The following THRAP3 variants were observed in gnomAD, a reference collection of about 807,000 sequenced individuals.
The protein encoded by THRAP3 is thyroid hormone receptor-associated protein 3.
A neutral mutation model predicts 101.0 loss-of-function variants in THRAP3; 16 were observed. The ratio of observed to expected loss-of-function variants is 0.16; its 90% CI spans 0.11 to 0.24. The LOEUF (loss-of-function observed/expected upper bound fraction) is 0.24. Ranked by LOEUF, THRAP3 falls within the 10% of genes least tolerant of loss-of-function variation. The pLI, the probability that THRAP3 is intolerant of heterozygous loss-of-function variation, is 1.00. For missense variants in THRAP3, 989 were observed against 1,202.7 expected (o/e 0.82, Z 2.63); for synonymous variants, 407 against 422.6 (o/e 0.96, Z 0.45).
intron 2 of THRAP3, among the ~76,000 whole-genome samples, chr1:36,277,768 T>G (rs1314568707): frequency 6.6e-6 from 1 of 152,022 alleles, no homozygotes; most frequent in Admixed American, 6.6e-5. Flanking sequence ...TTATTATGAT[T>G]ATTATTTTGA....
rs561633100 is a variant in THRAP3, at chr1:36,224,458, T to C, written c.-182T>C. On this transcript the variant is annotated 5_prime_UTR_variant, in exon 1 of 12. Coordinates refer to ENST00000354618, the MANE Select transcript of THRAP3 (RefSeq NM_005119.4). ...TGTGGGGCGGGGGCGAGGTTCGGGC[T>C]GGTTGTTCCGTTGCGAGCTGCAGCT... 2 of 153,182 alleles carry C rather than the reference T, an allele frequency of 1.3e-5. No homozygotes were observed. The highest frequency in any genetic ancestry group is 6.5e-5 in the Admixed American group (1 of 15,298). The allele number at this position is 153,182 out of a possible 1,614,324, so 9.5% of individuals were successfully genotyped here.
At chr1:36,229,414 TTTTTTTTTG>T (rs1216018014) in intron 1 of THRAP3, among the ~76,000 whole-genome samples, 19,397 of 75,718 alleles carry the variant, frequency 0.26, 1,658 homozygotes, top group East Asian at 0.44. Context: ...TTTTTTTTGT[TTTTTTTTTG>T]TTTTTTTTTT....
intron 1 of THRAP3, among the ~76,000 whole-genome samples, chr1:36,230,428 T>G (rs933379004): frequency 2.0e-5 from 3 of 150,056 alleles, no homozygotes; most frequent in Admixed American, 6.6e-5. Flanking sequence ...CTGGCTAATT[T>G]TTTTTGTATT....
At chr1:36,273,765 G>A (rs1357984564) in intron 2 of THRAP3, among the ~76,000 whole-genome samples, 1 of 152,176 alleles carries the variant, frequency 6.6e-6, no homozygotes, top group African/African-American at 2.4e-5. Flanking sequence ...AATGAGGCCA[G>A]GCATGGTGGC....
chr1:36,263,643 T>C (rs1375309835), intron 2 of THRAP3, among the ~76,000 whole-genome samples: 3 of 152,192 alleles, frequency 2.0e-5, no homozygotes, highest in Non-Finnish European at 2.9e-5. Flanking sequence ...CTGAGAGACA[T>C]AGGAGAGGAG....
chr1:36,214,006 GAAAGAAAGAAAGAAAGAAAGAAAGAAA>G, the THRAP3 span, among the ~76,000 whole-genome samples: 7 of 35,220 alleles, frequency 2.0e-4, no homozygotes, highest in African/African-American at 8.0e-4. Context: ...AGGAAAGAAA[GAAAGAAAGAAAGAAAGAAAGAAAGAAA>G]GAAAGAAAGA....
intron 1 of THRAP3, among the ~76,000 whole-genome samples, chr1:36,237,305 G>A (rs1645101912): frequency 1.3e-5 from 2 of 150,738 alleles, no homozygotes; most frequent in South Asian, 2.1e-4. Flanking sequence ...CTGTCTCTAC[G>A]TAAAATACAA....
At chr1:36,268,882 C>T (rs911750500) in intron 2 of THRAP3, among the ~76,000 whole-genome samples, 37 of 152,128 alleles carry the variant, frequency 2.4e-4, no homozygotes, top group Non-Finnish European at 3.5e-4. Flanking sequence ...CCCGCCACCA[C>T]GCCCAGCTAA....
chr1:36,289,332 C>G lies in THRAP3; in HGVS notation c.1313C>G (p.Ala438Gly). ...ATGGATGATCAAGATAAGGACAAAGCTAAGGGAAGAAAGGAATCTGAGTTT... is the reference window on the plus strand; with the variant it reads ...ATGGATGATCAAGATAAGGACAAAGGTAAGGGAAGAAAGGAATCTGAGTTT... The part of the protein sequence containing the change: ...EEMDDQDKDK[A>G]KGRKESEFDD... Residue 438 changes from alanine (A) to glycine (G), a missense_variant, in exon 5 of 12, where the codon GCT (alanine) becomes GGT (glycine). By Grantham distance (60) the Ala-to-Gly change is moderately conservative. Coordinates refer to ENST00000354618, the MANE Select transcript of THRAP3 (RefSeq NM_005119.4). 6.2e-7 allele frequency: 1 copy of G among 1,613,946 alleles called. No homozygotes were observed. The highest frequency in any genetic ancestry group is 8.5e-7 in the Non-Finnish European group (1 of 1,180,006).
intron 1 of THRAP3, among the ~76,000 whole-genome samples, chr1:36,247,996 C>T (rs1229943070): frequency 6.6e-6 from 1 of 151,572 alleles, no homozygotes; most frequent in Non-Finnish European, 1.5e-5. Flanking sequence ...TTTCCTGCCT[C>T]AGCCCCCCGA....
intron 3 of THRAP3, among the ~76,000 whole-genome samples, chr1:36,283,644 ATCCTTGTCT>A: frequency 7.2e-5 from 1 of 13,960 alleles, no homozygotes; most frequent in Non-Finnish European, 2.6e-4. Flanking sequence ...AGTATCTAGA[ATCCTTGTCT>A]TAGATGAATT....
At chr1:36,275,459 C>T (rs1343583896) in intron 2 of THRAP3, among the ~76,000 whole-genome samples, 3 of 150,276 alleles carry the variant, frequency 2.0e-5, no homozygotes, top group Non-Finnish European at 4.4e-5. Flanking sequence ...TGGTGGTGGG[C>T]ACCTGTAGTC....
At chr1:36,243,900 C>T (rs111802791) in intron 1 of THRAP3, among the ~76,000 whole-genome samples, 26 of 143,200 alleles carry the variant, frequency 1.8e-4, no homozygotes, top group African/African-American at 4.4e-4. Context: ...CCCTCCCAGA[C>T]GGGGCGGCTG....
At chr1:36,297,530 CCT>C (rs1432694411) in intron 9 of THRAP3, among the ~76,000 whole-genome samples, 1 of 149,204 alleles carries the variant, frequency 6.7e-6, no homozygotes, top group Non-Finnish European at 1.5e-5. Context: ...CTCACTGCAA[CCT>C]CCGCCTCGCG....
chr1:36,295,954 C>CTTTTTTTTTTTTTTTTTTTTTT (rs575028397), intron 8 of THRAP3, among the ~76,000 whole-genome samples: 1 of 60,496 alleles, frequency 1.7e-5, no homozygotes, highest in Non-Finnish European at 2.8e-5. Flanking sequence ...GCCTTCTCAA[C>CTTTTTTTTTTTTTTTTTTTTTT]TTTTTTTTTT....
rs575028397 is a variant in THRAP3 at position 36,295,954 on chromosome 1, C to CTT, written c.2116-593_2116-592dup. On this transcript the variant is annotated intron_variant, in intron 8 of 11. Coordinates refer to ENST00000354618, the MANE Select transcript of THRAP3 (RefSeq NM_005119.4). ...CCAGAGCTAATTTTAGCCTTCTCAA[C>CTT]TTTTTTTTTTTTTTTTTTTTTTTTT... Among the ~76,000 whole-genome samples, 364 of 60,480 alleles carry CTT rather than the reference C, an allele frequency of 6.0e-3. 47 individuals carry two copies. The highest frequency in any genetic ancestry group is 8.8e-3 in the Admixed American group (33 of 3,730). 39.7% of individuals were successfully genotyped at this position (60,480 alleles called of 152,430 possible).
intron 2 of THRAP3, among the ~76,000 whole-genome samples, chr1:36,281,698 C>A (rs1391600601): frequency 6.6e-6 from 1 of 151,944 alleles, no homozygotes; most frequent in African/African-American, 2.4e-5. Flanking sequence ...AAATCCTGGC[C>A]TCAGGCCATT....
intron 2 of THRAP3, among the ~76,000 whole-genome samples, chr1:36,260,146 G>C (rs558273410): frequency 6.6e-6 from 1 of 152,260 alleles, no homozygotes; most frequent in Non-Finnish European, 1.5e-5. Context: ...GGAGGCTGAG[G>C]CAGGAGAATC....
chr1:36,210,724 T>TC, the THRAP3 span, among the ~76,000 whole-genome samples: 10 of 8,744 alleles, frequency 1.1e-3, no homozygotes, highest in African/African-American at 8.1e-3. Context: ...TATATATATA[T>TC]ATATATATAT....
Sources: allele counts gnomAD v4.1 joint callset (sites outside exome capture counted in the v4.1 genomes callset), GRCh38; gene constraint gnomAD v4.1.1; transcripts MANE v1.5; gene names NCBI Gene and HGNC (gene_info 2026-07-23, HGNC 2026-07-21).